Variants in DPP10 observed in about 807,000 individuals in gnomAD.
DPP10 encodes dipeptidyl peptidase like 10.
A neutral mutation model predicts 120.9 loss-of-function variants in DPP10; 33 were observed. The observed-to-expected ratio is 0.27, with a 90% CI of 0.21 to 0.37. DPP10 has a LOEUF of 0.37. DPP10 is among the 10% of genes least tolerant of loss of function. The pLI is 1.00. For synonymous variants in DPP10, 337 were observed against 326.1 expected (o/e 1.03, Z -0.36); for missense variants, 816 against 942.8 (o/e 0.87, Z 1.76).
chr2:115,190,825 C>T (rs962645907), intron 1 of DPP10, among the ~76,000 whole-genome samples: 5 of 152,166 alleles, frequency 3.3e-5, no homozygotes, highest in Admixed American at 6.5e-5. Context: ...TTTTGTTTAG[C>T]GTGCGAACAG....
rs1360107577 is a variant in DPP10 at position 114,748,509 on chromosome 2, C to T, written c.60+305671C>T. Reference sequence around the variant, plus strand: ...TGCTGGTGCACTGCACCCACTAACTCGTCATCTAGCATTAGGTATATCTCC... The same window carrying T: ...TGCTGGTGCACTGCACCCACTAACTTGTCATCTAGCATTAGGTATATCTCC... On this transcript the variant is annotated intron_variant, in intron 1 of 25. Coordinates refer to ENST00000410059, the MANE Select transcript of DPP10 (RefSeq NM_020868.6). Among the ~76,000 whole-genome samples the T allele has an allele frequency of 2.9e-5, 4 of 136,484 alleles. No individual in the cohort carries two copies. The South Asian group carries it at 9.7e-4, about 33-fold the overall frequency. 89.5% of individuals were successfully genotyped at this position (136,484 alleles called of 152,430 possible). A position where few individuals can be genotyped will look rare whatever the true frequency, so the allele number is the denominator to read the frequency against.
At chr2:115,515,172 G>C (rs1440921988) in intron 4 of DPP10, among the ~76,000 whole-genome samples, 1 of 151,648 alleles carries the variant, frequency 6.6e-6, no homozygotes, top group Admixed American at 6.6e-5. Context: ...TTACATTACT[G>C]CTCCAAAACA....
At chr2:115,319,247 C>G (rs1289867830) in intron 2 of DPP10, among the ~76,000 whole-genome samples, 1 of 152,054 alleles carries the variant, frequency 6.6e-6, no homozygotes, top group East Asian at 1.9e-4. Flanking sequence ...ATAAAACCCA[C>G]TTGTTCATGA....
At chr2:115,636,578 G>GA (rs1354484073) in intron 5 of DPP10, among the ~76,000 whole-genome samples, 1 of 152,000 alleles carries the variant, frequency 6.6e-6, no homozygotes, top group Non-Finnish European at 1.5e-5. Context: ...CAGAGAGAGA[G>GA]AAAAGGAGAG....
intron 5 of DPP10, among the ~76,000 whole-genome samples, chr2:115,636,743 T>C (rs1284631411): frequency 6.6e-6 from 1 of 151,974 alleles, no homozygotes. Context: ...AAGTTTGAGG[T>C]TTTTAAAAGT....
intron 5 of DPP10, among the ~76,000 whole-genome samples, chr2:115,577,006 TA>T (rs763612582): frequency 4.6e-5 from 7 of 152,316 alleles, no homozygotes; most frequent in Non-Finnish European, 7.4e-5. Context: ...AATACTCAGA[TA>T]ATCTCTCTTT....
At chr2:115,608,192 A>G (rs1289626036) in intron 5 of DPP10, among the ~76,000 whole-genome samples, 4 of 152,198 alleles carry the variant, frequency 2.6e-5, no homozygotes, top group Non-Finnish European at 4.4e-5. Context: ...GTTTAAGAGC[A>G]GTCTGGCCAA....
chr2:115,134,287 A>G (rs1004332288), intron 1 of DPP10, among the ~76,000 whole-genome samples: 22 of 152,192 alleles, frequency 1.4e-4, no homozygotes, highest in African/African-American at 5.1e-4. Flanking sequence ...GGTTTCATCT[A>G]TATGTTACAT....
intron 1 of DPP10, among the ~76,000 whole-genome samples, chr2:115,199,008 C>T (rs1338736602): frequency 6.6e-6 from 1 of 151,930 alleles, no homozygotes; most frequent in Non-Finnish European, 1.5e-5. Flanking sequence ...ATTTGCAATC[C>T]TTATAAAAAA....
chr2:114,710,467 G>A (rs183724117), intron 1 of DPP10, among the ~76,000 whole-genome samples: 65 of 152,318 alleles, frequency 4.3e-4, no homozygotes, highest in African/African-American at 9.9e-4. Flanking sequence ...AGCACAGGCC[G>A]GGCATAGTGG....
At chr2:115,575,287 A>T (rs1299165415) in intron 5 of DPP10, among the ~76,000 whole-genome samples, 1 of 152,226 alleles carries the variant, frequency 6.6e-6, no homozygotes, top group Non-Finnish European at 1.5e-5. Flanking sequence ...GTTTTGATTC[A>T]TTGGATAAAA....
intron 1 of DPP10, among the ~76,000 whole-genome samples, chr2:115,168,167 A>T (rs937538379): frequency 6.6e-6 from 1 of 151,860 alleles, no homozygotes; most frequent in Non-Finnish European, 1.5e-5. Context: ...TTTTTCACAA[A>T]TTTTTTCTAC....
In DPP10 at chr2:114,829,757, A is replaced by G. The variant is rs75893329; in HGVS notation, c.60+386919A>G. On this transcript the variant is annotated intron_variant, in intron 1 of 25. Transcript: ENST00000410059. The stretch of plus-strand genomic sequence containing the variant: ...GGAAATACATTTTACTTCCTCTACC[A>G]TTATTACTATTTTTTCAAGGTTCCT... 8.1e-3 allele frequency among the ~76,000 whole-genome samples: 1,233 copies of G among 152,058 alleles called. 18 individuals are homozygous for G. The highest frequency in any genetic ancestry group is 0.028 in the African/African-American group (1,175 of 41,482).
At chr2:115,309,184 A>G in intron 1 of DPP10, 55 bp from the exon 2 acceptor site, 2 of 1,382,662 alleles carry the variant, frequency 1.4e-6, no homozygotes, top group South Asian at 1.2e-5. Flanking sequence ...TCCTTTATGA[A>G]TACATTTCTC....
intron 5 of DPP10, among the ~76,000 whole-genome samples, chr2:115,551,760 C>T (rs1357296472): frequency 6.6e-6 from 1 of 151,934 alleles, no homozygotes; most frequent in African/African-American, 2.4e-5. Flanking sequence ...TATCATACTT[C>T]CTAATGAAAT....
intron 11 of DPP10, 70 bp downstream of exon 11, chr2:115,753,367 G>A: frequency 2.8e-6 from 4 of 1,419,170 alleles, no homozygotes; most frequent in Admixed American, 2.4e-5. Context: ...AGGGGAAACA[G>A]GAAATGCTTT....
At chr2:114,481,310 G>GA (rs1201471292) in intron 1 of DPP10, among the ~76,000 whole-genome samples, 3 of 148,616 alleles carry the variant, frequency 2.0e-5, no homozygotes, top group Non-Finnish European at 4.5e-5. Flanking sequence ...ATAAATAAAT[G>GA]AAAAAATCTT....
At chr2:114,899,909 A>G (rs1267655971) in intron 1 of DPP10, among the ~76,000 whole-genome samples, 1 of 152,200 alleles carries the variant, frequency 6.6e-6, no homozygotes, top group Non-Finnish European at 1.5e-5. Flanking sequence ...GCAGTGAGCC[A>G]AGATCGCACC....
intron 1 of DPP10, among the ~76,000 whole-genome samples, chr2:115,241,505 A>C (rs542871533): frequency 6.6e-6 from 1 of 152,284 alleles, no homozygotes; most frequent in South Asian, 2.1e-4. Flanking sequence ...CTTATTCACA[A>C]AATAATATAT....
Sources: allele counts gnomAD v4.1 joint callset (sites outside exome capture counted in the v4.1 genomes callset), GRCh38; gene constraint gnomAD v4.1.1; transcripts MANE v1.5; gene names NCBI Gene and HGNC (gene_info 2026-07-23, HGNC 2026-07-21).